The following FGF14 variants were observed in gnomAD, a reference collection of about 807,000 sequenced individuals.
The protein encoded by FGF14 is fibroblast growth factor 14, also known as fibroblast growth factor homologous factor 4.
Under a neutral mutation model 25.5 loss-of-function variants are expected in FGF14, and 5 were observed. The observed-to-expected ratio is 0.20, with a 90% CI of 0.10 to 0.41. The LOEUF is 0.41. Ranked by LOEUF, FGF14 falls within the 10% of genes least tolerant of loss-of-function variation. The pLI, the probability that FGF14 is intolerant of heterozygous loss-of-function variation, is 1.00. For missense variants in FGF14, 222 were observed against 320.1 expected, an observed-to-expected ratio of 0.69 and a Z score of 2.34; for synonymous variants, 138 against 118.3, an observed-to-expected ratio of 1.17 and a Z score of -1.08.
intron 1 of FGF14, among the ~76,000 whole-genome samples, chr13:102,166,703 A>C (rs991216705): frequency 6.6e-6 from 1 of 152,128 alleles, no homozygotes; most frequent in African/African-American, 2.4e-5. Context: ...CATGAGTTAC[A>C]ATGTCGCTGG....
chr13:102,255,306 AG>A (rs1288606977), intron 1 of FGF14, among the ~76,000 whole-genome samples: 1 of 152,252 alleles, frequency 6.6e-6, no homozygotes, highest in Admixed American at 6.5e-5. Flanking sequence ...GTACAGTGAT[AG>A]GAAAACTACT....
chr13:102,210,983 AC>A (rs750132038), intron 1 of FGF14, among the ~76,000 whole-genome samples: 18 of 151,838 alleles, frequency 1.2e-4, no homozygotes, highest in Admixed American at 5.9e-4. Flanking sequence ...GGGACGAAAG[AC>A]CCCTGGGTTC....
chr13:101,796,322 C>A (rs1001217462), intron 3 of FGF14, among the ~76,000 whole-genome samples: 2 of 152,032 alleles, frequency 1.3e-5, no homozygotes, highest in South Asian at 2.1e-4. Context: ...GATCTCTCCA[C>A]TCTGATCCTG....
intron 3 of FGF14, among the ~76,000 whole-genome samples, chr13:101,808,936 G>C (rs1033356192): frequency 1.4e-4 from 21 of 152,176 alleles, no homozygotes; most frequent in African/African-American, 4.8e-4. Context: ...AAGTCCTCGT[G>C]TGCAGCTCCT....
At chr13:101,749,210 G>C (rs1211355290) in intron 3 of FGF14, among the ~76,000 whole-genome samples, 1 of 152,040 alleles carries the variant, frequency 6.6e-6, no homozygotes, top group East Asian at 1.9e-4. Flanking sequence ...CGCAGGGTGA[G>C]ATTTCTGGAG....
At chr13:102,379,028 G>T (rs2058113966) in intron 1 of FGF14, among the ~76,000 whole-genome samples, 1 of 152,046 alleles carries the variant, frequency 6.6e-6, no homozygotes, top group Non-Finnish European at 1.5e-5. Flanking sequence ...TATGAAGGAG[G>T]ACATAAAAGA....
At chr13:101,933,813 T>G (rs1566458441) in intron 1 of FGF14, among the ~76,000 whole-genome samples, 3 of 152,108 alleles carry the variant, frequency 2.0e-5, no homozygotes, top group African/African-American at 7.2e-5. Context: ...CTTTCTTACA[T>G]TAATTTAGAT....
At chr13:101,850,507 TATATATA>T (rs1483596602) in intron 3 of FGF14, among the ~76,000 whole-genome samples, 1,721 of 5,594 alleles carry the variant, frequency 0.31, 514 homozygotes, top group South Asian at 0.39. Flanking sequence ...TATATATATA[TATATATA>T]GAATTATATA....
chr13:102,306,494 AG>A (rs1263767166), intron 1 of FGF14, among the ~76,000 whole-genome samples: 1 of 152,168 alleles, frequency 6.6e-6, no homozygotes, highest in African/African-American at 2.4e-5. Context: ...TTACAGAAAA[AG>A]GATGTCATGA....
chr13:101,888,745 CAT>C (rs1466666604), intron 1 of FGF14, among the ~76,000 whole-genome samples: 1 of 152,174 alleles, frequency 6.6e-6, no homozygotes, highest in Non-Finnish European at 1.5e-5. Context: ...TAAAGGACCA[CAT>C]GTCTTCAAGA....
At chr13:102,164,828 A>G (rs1372774382) in intron 1 of FGF14, among the ~76,000 whole-genome samples, 1 of 152,202 alleles carries the variant, frequency 6.6e-6, no homozygotes, top group Non-Finnish European at 1.5e-5. Flanking sequence ...GAAAAGATAT[A>G]AAATAAGAAA....
At chr13:102,049,752 CACACACAA>C (rs1025793504) in intron 1 of FGF14, among the ~76,000 whole-genome samples, 95 of 152,180 alleles carry the variant, frequency 6.2e-4, no homozygotes, top group African/African-American at 2.0e-3. Context: ...CGCACCCCCC[CACACACAA>C]ACACACAAAC....
intron 1 of FGF14, among the ~76,000 whole-genome samples, chr13:102,253,451 G>A (rs2052291078): frequency 6.6e-6 from 1 of 152,028 alleles, no homozygotes; most frequent in South Asian, 2.1e-4. Flanking sequence ...TATGTCTTTT[G>A]GCTGCATAAA....
chr13:102,031,146 A>G (rs191820508), intron 1 of FGF14, among the ~76,000 whole-genome samples: 1 of 152,254 alleles, frequency 6.6e-6, no homozygotes, highest in African/African-American at 2.4e-5. Context: ...TTATGTAACA[A>G]CCCAGAAAGA....
intron 1 of FGF14, among the ~76,000 whole-genome samples, chr13:101,973,531 A>G (rs1263664971): frequency 6.6e-6 from 1 of 152,208 alleles, no homozygotes; most frequent in Non-Finnish European, 1.5e-5. Context: ...AAGGTCCCAC[A>G]ATAGGCTGAC....
chr13:102,166,110 C>G (rs1158627035), intron 1 of FGF14, among the ~76,000 whole-genome samples: 1 of 151,080 alleles, frequency 6.6e-6, no homozygotes, highest in Non-Finnish European at 1.5e-5. Flanking sequence ...AAGCTCCTGG[C>G]AACCACCATT....
At chr13:102,319,833 T>C (rs1424366605) in intron 1 of FGF14, among the ~76,000 whole-genome samples, 1 of 152,208 alleles carries the variant, frequency 6.6e-6, no homozygotes, top group Non-Finnish European at 1.5e-5. Flanking sequence ...ATAATAGAGA[T>C]GATATAGACA....
At chr13:102,269,902 G>A (rs2053164672) in intron 1 of FGF14, among the ~76,000 whole-genome samples, 2 of 152,162 alleles carry the variant, frequency 1.3e-5, no homozygotes, top group African/African-American at 4.8e-5. Context: ...GGTTAAGATG[G>A]TGTCCACAAG....
intron 1 of FGF14, among the ~76,000 whole-genome samples, chr13:101,908,580 G>A (rs1261515764): frequency 6.6e-6 from 1 of 152,090 alleles, no homozygotes; most frequent in Non-Finnish European, 1.5e-5. Flanking sequence ...ACTGCTCAAT[G>A]AAATAAAAGA....
Sources: gnomAD v4.1 joint callset for allele counts (sites outside exome capture counted in the v4.1 genomes callset) on GRCh38, gnomAD v4.1.1 for gene constraint, MANE v1.5 for transcripts, NCBI Gene and HGNC (gene_info 2026-07-23, HGNC 2026-07-21) for gene names.